The following ARHGAP24 variants were observed in gnomAD, a reference collection of about 807,000 sequenced individuals.
ARHGAP24 encodes Rho GTPase activating protein 24.
In ARHGAP24, 50 loss-of-function variants were observed where a neutral mutation model predicts 76.4. The ratio of observed to expected loss-of-function variants is 0.65; its 90% confidence interval spans 0.52 to 0.83. The LOEUF is 0.83. Ranked by LOEUF, ARHGAP24 falls within the 40% of genes least tolerant of loss-of-function variation. The probability of loss-of-function intolerance (pLI) is 0.00; values close to 1 mark genes in which losing one functional copy is unlikely to be tolerated. For missense variants in ARHGAP24, 930 were observed against 914.2 expected (o/e 1.02, Z -0.22); for synonymous variants, 345 against 323.3 (o/e 1.07, Z -0.72).
In ARHGAP24 at chr4:85,767,600, A is replaced by G. The variant is rs1726977776; in HGVS notation, c.268+45628A>G. Among the ~76,000 whole-genome samples, 5 of 152,322 alleles carry G rather than the reference A, an allele frequency of 3.3e-5. No homozygotes were observed. In the South Asian group the frequency reaches 1.0e-3, roughly 32 times the overall value. On this transcript the variant is annotated intron_variant, in intron 3 of 9. Transcript: ENST00000395184. ...AAACTGAGTACCTGGGAGGGAGGAA[A>G]AAGAAAAATGATACCTGTTCTTTGG...
At chr4:85,776,509 T>G (rs1309517851) in intron 3 of ARHGAP24, among the ~76,000 whole-genome samples, 1 of 152,192 alleles carries the variant, frequency 6.6e-6, no homozygotes, top group Non-Finnish European at 1.5e-5. Flanking sequence ...GGATCACATA[T>G]TGACAGCACA....
intron 2 of ARHGAP24, among the ~76,000 whole-genome samples, chr4:85,653,762 A>T (rs1395840743): frequency 1.3e-5 from 2 of 152,092 alleles, no homozygotes; most frequent in East Asian, 3.9e-4. Context: ...TGGAATTACA[A>T]TTATAAATTA....
intron 3 of ARHGAP24, among the ~76,000 whole-genome samples, chr4:85,736,473 C>A (rs1295690970): frequency 6.6e-6 from 1 of 152,162 alleles, no homozygotes; most frequent in African/African-American, 2.4e-5. Flanking sequence ...CTGAGTGCTA[C>A]AGTAATTCTG....
chr4:85,644,989 C>T (rs759796494), intron 2 of ARHGAP24, among the ~76,000 whole-genome samples: 37 of 152,124 alleles, frequency 2.4e-4, no homozygotes, highest in South Asian at 6.2e-4. Context: ...TAGTCGTGAA[C>T]GTGCTCTGTT....
intron 1 of ARHGAP24, among the ~76,000 whole-genome samples, chr4:85,511,136 T>C (rs903648588): frequency 6.6e-6 from 1 of 152,234 alleles, no homozygotes; most frequent in Non-Finnish European, 1.5e-5. Flanking sequence ...TAAGCTATTT[T>C]AGAAAACATT....
rs1347241642 is a variant in ARHGAP24 at position 85,755,845 on chromosome 4, C to T, written c.268+33873C>T. Reference sequence around the variant, plus strand: ...ACGGGGTTTCACCATGTTGGTCAGGCTGGTCTCGAACTCCTGACTTCAGGT... The same window carrying T: ...ACGGGGTTTCACCATGTTGGTCAGGTTGGTCTCGAACTCCTGACTTCAGGT... On this transcript the variant is annotated intron_variant, in intron 3 of 9. Transcript: ENST00000395184. 2.0e-5 allele frequency among the ~76,000 whole-genome samples: 3 copies of T among 151,916 alleles called. No homozygotes were observed. In the East Asian group the frequency reaches 5.8e-4, roughly 29 times the overall value.
intron 2 of ARHGAP24, among the ~76,000 whole-genome samples, chr4:85,666,836 G>C (rs1000222103): frequency 2.0e-5 from 3 of 152,180 alleles, no homozygotes; most frequent in African/African-American, 4.8e-5. Flanking sequence ...GAATGCTGCT[G>C]TCTGATCGTT....
chr4:85,973,334 A>T (rs1312365995), intron 6 of ARHGAP24, among the ~76,000 whole-genome samples: 1 of 152,262 alleles, frequency 6.6e-6, no homozygotes, highest in Admixed American at 6.5e-5. Flanking sequence ...TTGCCTTTGA[A>T]GAAATATCTA....
chr4:85,884,034 C>G (rs1244188983), intron 3 of ARHGAP24, among the ~76,000 whole-genome samples: 2 of 152,156 alleles, frequency 1.3e-5, no homozygotes, highest in Non-Finnish European at 2.9e-5. Context: ...TATATAGAAT[C>G]TGGTCTCACA....
At chr4:85,726,413 A>T (rs1249664368) in intron 3 of ARHGAP24, among the ~76,000 whole-genome samples, 2 of 152,192 alleles carry the variant, frequency 1.3e-5, no homozygotes, top group African/African-American at 2.4e-5. Context: ...GGAAAGCAGG[A>T]TGCGACAGGA....
chr4:85,731,185 A>G (rs1725394907), intron 3 of ARHGAP24, among the ~76,000 whole-genome samples: 1 of 98,158 alleles, frequency 1.0e-5, no homozygotes, highest in Admixed American at 1.1e-4. Flanking sequence ...ACCAATAAGA[A>G]TATGGATAGG....
At chr4:85,937,325 G>T (rs188639674) in intron 4 of ARHGAP24, among the ~76,000 whole-genome samples, 100 of 152,180 alleles carry the variant, frequency 6.6e-4, no homozygotes, top group African/African-American at 2.1e-3. Context: ...ACCAAAATTA[G>T]GATTAAAAGA....
At chr4:85,967,928 C>G (rs906320878) in intron 5 of ARHGAP24, among the ~76,000 whole-genome samples, 1 of 152,040 alleles carries the variant, frequency 6.6e-6, no homozygotes, top group East Asian at 1.9e-4. Context: ...TATTTACAGG[C>G]AGAGAAAAAG....
At chr4:85,674,865 T>C (rs1262678612) in intron 2 of ARHGAP24, among the ~76,000 whole-genome samples, 1 of 152,186 alleles carries the variant, frequency 6.6e-6, no homozygotes. Context: ...TGTCTGAGAG[T>C]TCCTTATGGA....
At chr4:85,997,377 TAGATAG>T (rs1201579007) in intron 9 of ARHGAP24, among the ~76,000 whole-genome samples, 44 of 3,534 alleles carry the variant, frequency 0.012, no homozygotes, top group Non-Finnish European at 0.022. Context: ...TAGATATAGA[TAGATAG>T]ATAGATAGAT....
In ARHGAP24 at chr4:85,553,622, T is replaced by C. The variant is rs151307168; in HGVS notation, c.-20-16900T>C. ...CCTTTAGCTAGACACAGAGCACTGA[T>C]TGGTGAATTTACAATCCTTTGGCTA... On this transcript the variant is annotated intron_variant, in intron 1 of 9. Transcript: ENST00000395184. 1.7e-3 allele frequency among the ~76,000 whole-genome samples: 256 copies of C among 152,228 alleles called. 1 individual carries two copies. The highest frequency in any genetic ancestry group is 6.0e-3 in the African/African-American group (250 of 41,550).
intron 2 of ARHGAP24, among the ~76,000 whole-genome samples, chr4:85,667,522 T>C (rs999599171): frequency 2.0e-5 from 3 of 152,154 alleles, no homozygotes; most frequent in Non-Finnish European, 2.9e-5. Flanking sequence ...GCACCCACTT[T>C]CTGGCACTCC....
intron 2 of ARHGAP24, among the ~76,000 whole-genome samples, chr4:85,608,310 CT>C (rs1378953969): frequency 6.6e-6 from 1 of 152,028 alleles, no homozygotes; most frequent in Non-Finnish European, 1.5e-5. Flanking sequence ...CCTAATGCAT[CT>C]CTATTTTTGT....
intron 2 of ARHGAP24, among the ~76,000 whole-genome samples, chr4:85,717,807 A>G (rs755142809): frequency 9.2e-5 from 14 of 152,068 alleles, no homozygotes; most frequent in Non-Finnish European, 1.3e-4. Context: ...TGTCACACTC[A>G]TTTGTTTTAA....
Sources: allele counts gnomAD v4.1 joint callset (sites outside exome capture counted in the v4.1 genomes callset), GRCh38; gene constraint gnomAD v4.1.1; transcripts MANE v1.5; gene names NCBI Gene and HGNC (gene_info 2026-07-23, HGNC 2026-07-21).